ABTB2: variants seen among roughly 807,000 people sequenced by gnomAD.
ABTB2 encodes ankyrin repeat and BTB/POZ domain-containing protein 2.
ABTB2 carries 56 observed loss-of-function variants against 104.1 expected under a neutral mutation model. That is an observed-to-expected ratio of 0.54 (90% CI 0.43 to 0.67). The LOEUF (loss-of-function observed/expected upper bound fraction) is 0.67, where lower values mean the gene tolerates loss of function less well. Among genes scored for constraint, ABTB2 ranks in the 30% least tolerant of loss-of-function variants. The pLI, the probability that ABTB2 is intolerant of heterozygous loss-of-function variation, is 0.00. For missense variants in ABTB2, 1,279 were observed against 1,407.7 expected (o/e 0.91, Z 1.46); for synonymous variants, 606 against 608.2 (o/e 1.00, Z 0.05).
At chr11:34,215,143 A>G (rs558146702) in intron 1 of ABTB2, among the ~76,000 whole-genome samples, 1 of 152,316 alleles carries the variant, frequency 6.6e-6, no homozygotes, top group African/African-American at 2.4e-5. Flanking sequence ...TTCTACAGCT[A>G]CAGTGGCCGA....
chr11:34,261,674 T>G (rs1289322634), intron 1 of ABTB2, among the ~76,000 whole-genome samples: 4 of 152,274 alleles, frequency 2.6e-5, no homozygotes, highest in African/African-American at 9.6e-5. Context: ...TATAATGAGT[T>G]AATCCACTTA....
chr11:34,160,790 T>C (rs1417912572), intron 11 of ABTB2, 113 bp downstream of exon 11: 3 of 1,171,558 alleles, frequency 2.6e-6, no homozygotes, highest in African/African-American at 1.6e-5. Context: ...TGTGTGTGCG[T>C]TGGGTGAGGG....
chr11:34,290,284 C>G (rs775288952), intron 1 of ABTB2, among the ~76,000 whole-genome samples: 1 of 152,226 alleles, frequency 6.6e-6, no homozygotes, highest in African/African-American at 2.4e-5. Context: ...CAAGACTGTA[C>G]CTGGACTTAA....
chr11:34,176,976 G>T (rs531902004), intron 3 of ABTB2, among the ~76,000 whole-genome samples: 1 of 152,246 alleles, frequency 6.6e-6, no homozygotes, highest in Non-Finnish European at 1.5e-5. Flanking sequence ...ATATTACAGG[G>T]CTGGAAGGCA....
chr11:34,355,739 T>C (rs1855458191), intron 1 of ABTB2, among the ~76,000 whole-genome samples: 1 of 152,240 alleles, frequency 6.6e-6, no homozygotes, highest in Non-Finnish European at 1.5e-5. Flanking sequence ...TTTATGGTGC[T>C]GACTTCTCAA....
chr11:34,285,440 C>CT (rs1757984941), intron 1 of ABTB2, among the ~76,000 whole-genome samples: 1 of 152,092 alleles, frequency 6.6e-6, no homozygotes, highest in Non-Finnish European at 1.5e-5. Context: ...CAGGGTGGCC[C>CT]TTTTTTCCCC....
chr11:34,218,498 C>T (rs1565143976), intron 1 of ABTB2, among the ~76,000 whole-genome samples: 1 of 152,118 alleles, frequency 6.6e-6, no homozygotes, highest in African/African-American at 2.4e-5. Context: ...TCTGTGTCTA[C>T]ATTTATTTAT....
intron 3 of ABTB2, among the ~76,000 whole-genome samples, chr11:34,182,737 G>A (rs1853046079): frequency 6.6e-6 from 1 of 152,068 alleles, no homozygotes; most frequent in South Asian, 2.1e-4. Flanking sequence ...AGGGCCTTCA[G>A]GAGTAATAGA....
chr11:34,268,014 T>C (rs1854271323), intron 1 of ABTB2, among the ~76,000 whole-genome samples: 1 of 152,204 alleles, frequency 6.6e-6, no homozygotes, highest in Non-Finnish European at 1.5e-5. Flanking sequence ...CACTACAACC[T>C]CTGCTTCCCG....
rs59571625 is a variant in ABTB2, at chr11:34,164,455, G to A, written c.1988+231C>T. On this transcript the variant is annotated intron_variant, in intron 9 of 16. Coordinates refer to ENST00000435224, the MANE Select transcript of ABTB2 (RefSeq NM_145804.3). ...GGACGGTCTGCCCTGGGCGTCGGGA[G>A]GCCCAGGCTCCAGTCCCAGGTCTGC... 3.3e-3 allele frequency among the ~76,000 whole-genome samples: 508 copies of A among 152,340 alleles called. 5 individuals are homozygous for A. Among genetic ancestry groups the A allele is most frequent in the African/African-American group, 0.012 (491 of 41,574 alleles).
At chr11:34,227,116 A>C (rs1590222626) in intron 1 of ABTB2, among the ~76,000 whole-genome samples, 1 of 151,886 alleles carries the variant, frequency 6.6e-6, no homozygotes, top group African/African-American at 2.4e-5. Flanking sequence ...TGTACTAAAA[A>C]CACAAAAATT....
chr11:34,153,431 T>C (rs1852576407), intron 16 of ABTB2, among the ~76,000 whole-genome samples: 1 of 152,166 alleles, frequency 6.6e-6, no homozygotes, highest in African/African-American at 2.4e-5. Context: ...GGAGTGCGCA[T>C]GATCACAGCT....
At chr11:34,295,205 T>C (rs547682578) in intron 1 of ABTB2, among the ~76,000 whole-genome samples, 7 of 152,184 alleles carry the variant, frequency 4.6e-5, no homozygotes, top group African/African-American at 1.7e-4. Flanking sequence ...AATAAAAATA[T>C]TGTTATATAA....
intron 2 of ABTB2, among the ~76,000 whole-genome samples, chr11:34,201,593 A>C (rs1038797486): frequency 6.6e-6 from 1 of 152,178 alleles, no homozygotes; most frequent in Non-Finnish European, 1.5e-5. Context: ...CAGGGAGTTA[A>C]TGCATGTAAA....
intron 3 of ABTB2, among the ~76,000 whole-genome samples, chr11:34,188,967 C>T (rs917245251): frequency 2.0e-5 from 3 of 152,154 alleles, no homozygotes; most frequent in African/African-American, 7.2e-5. Context: ...CAGATCTCTA[C>T]CTTATGCAGG....
chr11:34,229,134 A>AAAAAGG (rs537214230), intron 1 of ABTB2, among the ~76,000 whole-genome samples: 1 of 144,376 alleles, frequency 6.9e-6, no homozygotes, highest in Non-Finnish European at 1.5e-5. Context: ...AAAAAAAAAA[A>AAAAAGG]AGAGAAAAAA....
intron 11 of ABTB2, among the ~76,000 whole-genome samples, chr11:34,160,628 G>A (rs923617372): frequency 1.4e-5 from 2 of 145,916 alleles, no homozygotes; most frequent in Admixed American, 6.8e-5. Context: ...TGTTGGGTGG[G>A]GGGGTTCCTG....
At chr11:34,311,165 C>G (rs1854848263) in intron 1 of ABTB2, among the ~76,000 whole-genome samples, 1 of 152,156 alleles carries the variant, frequency 6.6e-6, no homozygotes, top group South Asian at 2.1e-4. Context: ...TCCAGGGGAC[C>G]CTGACAGACC....
At chr11:34,202,353 C>T (rs966710789) in intron 2 of ABTB2, among the ~76,000 whole-genome samples, 2 of 152,014 alleles carry the variant, frequency 1.3e-5, no homozygotes, top group Admixed American at 6.6e-5. Context: ...GTGGGAGGGT[C>T]CTTAGCCAGG....
Sources: allele counts gnomAD v4.1 joint callset (sites outside exome capture counted in the v4.1 genomes callset), GRCh38; gene constraint gnomAD v4.1.1; transcripts MANE v1.5; gene names NCBI Gene and HGNC (gene_info 2026-07-23, HGNC 2026-07-21).